MED1: variants seen among roughly 807,000 people sequenced by gnomAD.
MED1 encodes mediator complex subunit 1, also known as mediator of RNA polymerase II transcription subunit 1.
MED1 carries 17 observed loss-of-function variants against 121.3 expected under a neutral mutation model. The observed-to-expected ratio is 0.14, with a 90% CI of 0.10 to 0.21. The LOEUF is 0.21. MED1 is among the 10% of genes least tolerant of loss of function. MED1 has a pLI of 1.00. For synonymous variants in MED1, 661 were observed against 694.4 expected (o/e 0.95, Z 0.76); for missense variants, 1,558 against 1,919.4 (o/e 0.81, Z 3.52).
rs370173419 is a variant in MED1 at position 39,409,466 on chromosome 17, T to C, written c.2755A>G (p.Lys919Glu). The C allele has an allele frequency of 1.2e-5, 19 of 1,614,186 alleles. No individual in the cohort carries two copies. The African/African-American group carries it at 2.5e-4, about 22-fold the overall frequency. The change falls in exon 17 of 17, where the codon AAG becomes GAG. Residue 919 changes from lysine to glutamate, a missense_variant. Transcript: ENST00000300651. Reference sequence around the variant, plus strand: ...TCGGCTTGGTTATTGCCCTTAAACTTGGTCTCCCCATTATCACCTCCAAGC... The same window carrying C: ...TCGGCTTGGTTATTGCCCTTAAACTCGGTCTCCCCATTATCACCTCCAAGC... ...PMLGGDNGETKFKGNNQADTV... is the reference protein window; with the variant it reads ...PMLGGDNGETEFKGNNQADTV...
At chr17:39,448,785 T>G (rs2048754093) in intron 1 of MED1, among the ~76,000 whole-genome samples, 1 of 151,914 alleles carries the variant, frequency 6.6e-6, no homozygotes, top group Middle Eastern at 3.2e-3. Flanking sequence ...GGTACATGCC[T>G]GTAATCCCAG....
Position 39,423,825 on chromosome 17 carries a change from CAA to C in MED1, c.852-6_852-5del. The C allele has an allele frequency of 6.3e-7, 1 of 1,578,566 alleles. No homozygotes were observed. Among genetic ancestry groups the C allele is most frequent in the Non-Finnish European group, 8.6e-7 (1 of 1,167,430 alleles). On this transcript the variant is annotated splice_polypyrimidine_tract_variant and splice_region_variant and intron_variant, in intron 11 of 16. Coordinates refer to ENST00000300651, the MANE Select transcript of MED1 (RefSeq NM_004774.4). ...GATTGAGGAGAAGGAAGGGGTCCTT[CAA>C]AAAAAAGAGGGTGGAAGGGTTGGAT...
chr17:39,419,471 G>C (rs1279119671), intron 14 of MED1, among the ~76,000 whole-genome samples: 1 of 150,510 alleles, frequency 6.6e-6, no homozygotes, highest in Non-Finnish European at 1.5e-5. Flanking sequence ...GCAATGGCAT[G>C]ATCTAAGCTC....
chr17:39,451,008 C>A lies in MED1; in HGVS notation c.25+30G>T, dbSNP rs1350497525. 1.9e-6 allele frequency: 3 copies of A among 1,599,822 alleles called. No homozygotes were observed. The African/African-American group carries it at 4.0e-5, about 22-fold the overall frequency. Reference sequence around the variant, plus strand: ...CAAACTGGCTCCCCCAGTTGTGTCCCGCCCCCTCCTTTCCCCTACAGTCAC... The same window carrying A: ...CAAACTGGCTCCCCCAGTTGTGTCCAGCCCCCTCCTTTCCCCTACAGTCAC... On this transcript the variant is annotated intron_variant, in intron 1 of 16. Coordinates refer to ENST00000300651, the MANE Select transcript of MED1 (RefSeq NM_004774.4).
rs2048316407 is a variant in MED1, at chr17:39,407,745, G to A, written c.4476C>T (p.Tyr1492=). ...TGTGCTTCTTATGTTTCTCTGTGCT[G>A]TATTCTGGAAGTGGTCGGATACCAT... ...SDDGIRPLPE[Y]STEKHKKHKK... The change falls in exon 17 of 17, where the codon TAC becomes TAT. Residue 1492 remains tyrosine (Y), a synonymous_variant. Coordinates refer to ENST00000300651, the MANE Select transcript of MED1 (RefSeq NM_004774.4). 1.2e-6 allele frequency: 2 copies of A among 1,614,036 alleles called. No homozygotes were observed. The highest frequency in any genetic ancestry group is 1.7e-6 in the Non-Finnish European group (2 of 1,180,016).
intron 14 of MED1, among the ~76,000 whole-genome samples, chr17:39,416,545 T>G (rs1414455006): frequency 2.0e-5 from 3 of 152,208 alleles, no homozygotes; most frequent in African/African-American, 4.8e-5. Flanking sequence ...GAAAACTCAT[T>G]TTTAAATGCC....
intron 3 of MED1, among the ~76,000 whole-genome samples, chr17:39,443,158 C>T (rs182112634): frequency 1.0e-3 from 154 of 151,520 alleles, no homozygotes; most frequent in African/African-American, 3.1e-3. Context: ...CCCGCCACCA[C>T]GTCCAGCTAA....
At chr17:39,450,034 G>A (rs2048767167) in intron 1 of MED1, among the ~76,000 whole-genome samples, 1 of 151,260 alleles carries the variant, frequency 6.6e-6, no homozygotes, top group South Asian at 2.1e-4. Flanking sequence ...GGCTGGTCTC[G>A]ATCTCCCAAC....
Position 39,440,125 on chromosome 17 carries a change from AAAGG to A in MED1, c.399+257_399+260del, listed in dbSNP as rs527527281. On this transcript the variant is annotated intron_variant, in intron 5 of 16. Coordinates refer to ENST00000300651, the MANE Select transcript of MED1 (RefSeq NM_004774.4). The surrounding 1 kb of genome is among the most constrained non-coding windows in gnomAD (Gnocchi z 4.1). ...GAAAGAAAAAAGAAAGAAAAGAAAG[AAAGG>A]AAGGAAGGAAGGAAGGAAAGGGAAA... Among the ~76,000 whole-genome samples the A allele has an allele frequency of 2.2e-3, 330 of 149,190 alleles. No individual in the cohort carries two copies. The highest frequency in any genetic ancestry group is 4.0e-3 in the African/African-American group (161 of 40,328).
chr17:39,450,103 A>G lies in MED1; in HGVS notation c.25+935T>C, dbSNP rs1482126908. Among the ~76,000 whole-genome samples the G allele has an allele frequency of 3.0e-5, 4 of 135,506 alleles. No individual in the cohort carries two copies. In the Admixed American group the frequency reaches 3.2e-4, roughly 11 times the overall value. 88.9% of individuals were successfully genotyped at this position (135,506 alleles called of 152,430 possible). A position where few individuals can be genotyped will look rare whatever the true frequency, so the allele number is the denominator to read the frequency against. On this transcript the variant is annotated intron_variant, in intron 1 of 16. Coordinates refer to ENST00000300651, the MANE Select transcript of MED1 (RefSeq NM_004774.4). ...TGCTGGGATTACACGCGTGAGCCAC[A>G]GTGCCCGGCAATTTTTTTATTTTTT...
chr17:39,407,395 CA>C lies in MED1; in HGVS notation c.*79del. Reference sequence around the variant, plus strand: ...TTAACCAAATCAGACCTGTCTGACTCACCCCTTATGGTGGTTTGCCTATAAA... The same window carrying C: ...TTAACCAAATCAGACCTGTCTGACTCCCCCTTATGGTGGTTTGCCTATAAA... On this transcript the variant is annotated 3_prime_UTR_variant, in exon 17 of 17. Coordinates refer to ENST00000300651, the MANE Select transcript of MED1 (RefSeq NM_004774.4). 1 of 1,480,608 alleles carries C rather than the reference CA, an allele frequency of 6.8e-7. No individual in the cohort carries two copies. Among genetic ancestry groups the C allele is most frequent in the Non-Finnish European group, 8.9e-7 (1 of 1,117,988 alleles). 91.7% of individuals were successfully genotyped at this position (1,480,608 alleles called of 1,614,324 possible).
At chr17:39,435,765 G>A (rs905142383) in intron 6 of MED1, among the ~76,000 whole-genome samples, 11 of 151,910 alleles carry the variant, frequency 7.2e-5, no homozygotes, top group Non-Finnish European at 1.3e-4. Flanking sequence ...GCGATGGCAC[G>A]ATCTCAGCTC....
chr17:39,448,244 C>A (rs894120928), intron 1 of MED1, among the ~76,000 whole-genome samples: 4 of 151,238 alleles, frequency 2.6e-5, no homozygotes, highest in Non-Finnish European at 5.9e-5. Context: ...GTGGTGCATG[C>A]CTGTAATCCC....
intron 7 of MED1, among the ~76,000 whole-genome samples, chr17:39,433,356 G>A (rs1290582437): frequency 2.8e-4 from 41 of 147,874 alleles, no homozygotes; most frequent in Admixed American, 1.4e-3. Flanking sequence ...GTGACAGAGC[G>A]ACAATCCGTA....
chr17:39,409,259 ATCCGGG>A lies in MED1; in HGVS notation c.2956_2961del (p.Pro986_Gly987del). ...CTGCGCTTCCCTGGTTTGCTGTCTA[ATCCGGG>A]CCCCGAGAGAGTACTATTACTGGTG... On this transcript the variant is annotated inframe_deletion, in exon 17 of 17. Transcript: ENST00000300651. 6.2e-7 allele frequency: 1 copy of A among 1,614,090 alleles called. No individual in the cohort carries two copies. The highest frequency in any genetic ancestry group is 8.5e-7 in the Non-Finnish European group (1 of 1,180,016).
chr17:39,407,395 C>A lies in MED1; in HGVS notation c.*80G>T. ...TTAACCAAATCAGACCTGTCTGACT[C>A]ACCCCTTATGGTGGTTTGCCTATAA... On this transcript the variant is annotated 3_prime_UTR_variant, in exon 17 of 17. Transcript: ENST00000300651. The A allele has an allele frequency of 6.8e-7, 1 of 1,480,608 alleles. No homozygotes were observed. Among genetic ancestry groups the A allele is most frequent in the Admixed American group, 2.6e-5 (1 of 38,020 alleles). 91.7% of individuals were successfully genotyped at this position (1,480,608 alleles called of 1,614,324 possible).
At chr17:39,439,292 C>G in intron 5 of MED1, 99 bp from the exon 6 acceptor site, 1 of 896,010 alleles carries the variant, frequency 1.1e-6, no homozygotes, top group Non-Finnish European at 1.7e-6. Flanking sequence ...TGTTTTACAA[C>G]AAAACCATTA....
intron 6 of MED1, among the ~76,000 whole-genome samples, chr17:39,436,942 T>G (rs1044245034): frequency 6.6e-6 from 1 of 151,848 alleles, no homozygotes; most frequent in African/African-American, 2.4e-5. Flanking sequence ...TACTTTTTTT[T>G]TTTTTTTGAG....
chr17:39,443,533 CAA>C lies in MED1; in HGVS notation c.211+15_211+16del. ...GGGGTTTTGTGAAATCAGCATATTTCAAAAGTGTTCACAAACCTTTGAGAGCC... is the reference window on the plus strand; with the variant it reads ...GGGGTTTTGTGAAATCAGCATATTTCAAGTGTTCACAAACCTTTGAGAGCC... On this transcript the variant is annotated intron_variant, in intron 3 of 16. Coordinates refer to ENST00000300651, the MANE Select transcript of MED1 (RefSeq NM_004774.4). 1 of 1,604,148 alleles carries C rather than the reference CAA, an allele frequency of 6.2e-7. No individual in the cohort carries two copies. The highest frequency in any genetic ancestry group is 8.5e-7 in the Non-Finnish European group (1 of 1,171,198).
Sources: gnomAD v4.1 joint callset for allele counts (sites outside exome capture counted in the v4.1 genomes callset) on GRCh38, gnomAD v4.1.1 for gene constraint, Gnocchi (gnomAD v3.1) non-coding constraint, MANE v1.5 for transcripts, NCBI Gene and HGNC (gene_info 2026-07-23, HGNC 2026-07-21) for gene names.